STARD13: variants seen among roughly 807,000 people sequenced by gnomAD.
STARD13 encodes stAR-related lipid transfer protein 13.
Under a neutral mutation model 106.4 loss-of-function variants are expected in STARD13, and 62 were observed. The ratio of observed to expected loss-of-function variants is 0.58; its 90% confidence interval spans 0.48 to 0.72. The LOEUF is 0.72. Among genes scored for constraint, STARD13 ranks in the 30% least tolerant of loss-of-function variants. The pLI is 0.00. For missense variants in STARD13, 1,387 were observed against 1,424.0 expected (o/e 0.97, Z 0.42); for synonymous variants, 565 against 553.0 (o/e 1.02, Z -0.31).
At chr13:33,426,283 C>T in the STARD13 span, among the ~76,000 whole-genome samples, 2 of 152,216 alleles carry the variant, frequency 1.3e-5, no homozygotes, top group Admixed American at 6.5e-5. Flanking sequence ...TGACATCATA[C>T]ATAAATAAAG....
the STARD13 span, among the ~76,000 whole-genome samples, chr13:33,620,558 C>A: frequency 0.034 from 5,110 of 152,146 alleles, 211 homozygotes; most frequent in East Asian, 0.17. Flanking sequence ...GCTGAGATTA[C>A]AGGCATGGGC....
At chr13:33,497,986 A>G in the STARD13 span, among the ~76,000 whole-genome samples, 4 of 152,232 alleles carry the variant, frequency 2.6e-5, no homozygotes, top group South Asian at 2.1e-4. Flanking sequence ...ATGTGCATCA[A>G]TAACAACCAA....
chr13:33,632,814 C>CTTT, the STARD13 span, among the ~76,000 whole-genome samples: 114 of 142,652 alleles, frequency 8.0e-4, no homozygotes, highest in Middle Eastern at 7.2e-3. Flanking sequence ...GTTCTATATT[C>CTTT]TTTTTTTTTT....
intron 4 of STARD13, among the ~76,000 whole-genome samples, chr13:33,135,096 T>TAGAGAAGAGTAATCAGAATGGCCA (rs1447479606): frequency 2.0e-5 from 3 of 152,218 alleles, no homozygotes; most frequent in Non-Finnish European, 4.4e-5. Flanking sequence ...GGTACATTTC[T>TAGAGAAGAGTAATCAGAATGGCCA]AGAGAAGAGT....
the STARD13 span, among the ~76,000 whole-genome samples, chr13:33,449,005 T>A: frequency 6.6e-6 from 1 of 152,072 alleles, no homozygotes. Flanking sequence ...AGATGCATAG[T>A]TTGCAAATAT....
chr13:33,300,492 G>A (rs547875554), intron 1 of STARD13, among the ~76,000 whole-genome samples: 1 of 152,174 alleles, frequency 6.6e-6, no homozygotes, highest in Non-Finnish European at 1.5e-5. Context: ...AATTAAAAGG[G>A]TGGATGCCTA....
chr13:33,503,321 T>C, the STARD13 span, among the ~76,000 whole-genome samples: 25 of 152,318 alleles, frequency 1.6e-4, no homozygotes, highest in Middle Eastern at 0.014. Context: ...GTTGATCTTT[T>C]CAAAAAACCA....
intron 1 of STARD13, chr13:33,334,047 ACT>A (rs2077866778): frequency 1.3e-5 from 2 of 152,164 alleles, no homozygotes; most frequent in Admixed American, 6.5e-5. Flanking sequence ...ATACTTCATG[ACT>A]CTGAAAAGAA....
At chr13:33,233,758 C>T (rs1038631722) in intron 1 of STARD13, among the ~76,000 whole-genome samples, 1 of 692 alleles carries the variant, frequency 1.4e-3, no homozygotes, top group African/African-American at 6.7e-3. Flanking sequence ...TGTAACACCC[C>T]CTCTGGGGCT....
chr13:33,116,829 C>T (rs138735725), intron 8 of STARD13, among the ~76,000 whole-genome samples: 1 of 152,322 alleles, frequency 6.6e-6, no homozygotes, highest in African/African-American at 2.4e-5. Flanking sequence ...GGGTTGCCAC[C>T]TTAATCTGTT....
At chr13:33,260,911 T>C (rs1424673032) in intron 1 of STARD13, among the ~76,000 whole-genome samples, 1 of 152,190 alleles carries the variant, frequency 6.6e-6, no homozygotes, top group African/African-American at 2.4e-5. Context: ...TCCTCTGAAC[T>C]CCTAAGCCAC....
intron 1 of STARD13, chr13:33,180,560 T>C (rs542391285): frequency 6.6e-6 from 1 of 152,326 alleles, no homozygotes; most frequent in South Asian, 2.1e-4. Context: ...ATGGGCTTCC[T>C]GTGGACTAAT....
chr13:33,492,455 T>C, the STARD13 span, among the ~76,000 whole-genome samples: 1 of 152,104 alleles, frequency 6.6e-6, no homozygotes. Context: ...GCATTCTAAG[T>C]CACAGAATGA....
At chr13:33,650,772 G>A in the STARD13 span, among the ~76,000 whole-genome samples, 1 of 152,176 alleles carries the variant, frequency 6.6e-6, no homozygotes, top group Non-Finnish European at 1.5e-5. Context: ...ACGCCACAAG[G>A]GCTCTGCCCC....
At chr13:33,394,678 TA>T in the STARD13 span, among the ~76,000 whole-genome samples, 1 of 152,244 alleles carries the variant, frequency 6.6e-6, no homozygotes, top group African/African-American at 2.4e-5. Flanking sequence ...AGAATTATCT[TA>T]ACCAGACTCT....
At chr13:33,524,207 C>T in the STARD13 span, 3 of 1,253,524 alleles carry the variant, frequency 2.4e-6, no homozygotes, top group Non-Finnish European at 3.1e-6. Context: ...ACACTCACAC[C>T]AGGGGCATAT....
At chr13:33,547,040 A>T in the STARD13 span, among the ~76,000 whole-genome samples, 9 of 152,242 alleles carry the variant, frequency 5.9e-5, no homozygotes, top group Admixed American at 5.2e-4. Context: ...ACTTTAGAAA[A>T]AGTGAAAATA....
the STARD13 span, among the ~76,000 whole-genome samples, chr13:33,508,143 C>T: frequency 6.6e-6 from 1 of 152,164 alleles, no homozygotes; most frequent in East Asian, 1.9e-4. Context: ...TCAGGAAAAC[C>T]ACTCCTCTGC....
chr13:33,175,366 A>G (rs910194925), intron 1 of STARD13, among the ~76,000 whole-genome samples: 3 of 152,198 alleles, frequency 2.0e-5, no homozygotes, highest in Non-Finnish European at 2.9e-5. Context: ...AAGGCAGGGA[A>G]CACAGAGTTG....
Sources: allele counts gnomAD v4.1 joint callset (sites outside exome capture counted in the v4.1 genomes callset), GRCh38; gene constraint gnomAD v4.1.1; transcripts MANE v1.5; gene names NCBI Gene and HGNC (gene_info 2026-07-23, HGNC 2026-07-21).